Variants in DDAH1 observed in about 807,000 individuals in gnomAD.
DDAH1 encodes the protein dimethylarginine dimethylaminohydrolase 1, also known as N(G),N(G)-dimethylarginine dimethylaminohydrolase 1.
A neutral mutation model predicts 28.8 loss-of-function variants in DDAH1; 19 were observed. The observed-to-expected ratio is 0.66, with a 90% confidence interval of 0.46 to 0.97. The LOEUF (loss-of-function observed/expected upper bound fraction) is 0.97. DDAH1 is among the 50% of genes least tolerant of loss of function. The pLI is 0.00. For missense variants in DDAH1, 326 were observed against 375.9 expected (o/e 0.87, Z 1.10); for synonymous variants, 153 against 154.4 (o/e 0.99, Z 0.07).
chr1:85,530,146 A>G (rs1436520377), intron 1 of DDAH1, among the ~76,000 whole-genome samples: 2 of 152,214 alleles, frequency 1.3e-5, no homozygotes. Context: ...TTTCACTGAT[A>G]AAATGTGAGG....
At position 85,385,737 on chromosome 1, in the gene DDAH1, T is replaced by C. The variant is rs146031010; in HGVS notation, c.304-26890A>G. 7.2e-5 allele frequency among the ~76,000 whole-genome samples: 11 copies of C among 152,324 alleles called. No individual in the cohort carries two copies. In the South Asian group the frequency reaches 8.3e-4, roughly 11 times the overall value. On this transcript the variant is annotated intron_variant, in intron 1 of 5. Transcript: ENST00000284031. ...TACTCCATGCCTTAGTGCATTTGCATTGTTATAAAGGAATACCTGAAGCTG... is the reference window on the plus strand; with the variant it reads ...TACTCCATGCCTTAGTGCATTTGCACTGTTATAAAGGAATACCTGAAGCTG...
chr1:85,448,008 T>A lies in DDAH1; in HGVS notation c.303+16735A>T, dbSNP rs143582099. 712 of 152,576 alleles carry A rather than the reference T, an allele frequency of 4.7e-3. 6 individuals are homozygous for A. The highest frequency in any genetic ancestry group is 0.016 in the African/African-American group (661 of 41,590). 9.5% of individuals were successfully genotyped at this position (152,576 alleles called of 1,614,324 possible). A position where few individuals can be genotyped will look rare whatever the true frequency, so the allele number is the denominator to read the frequency against. On this transcript the variant is annotated intron_variant, in intron 1 of 5. Coordinates refer to ENST00000284031, the MANE Select transcript of DDAH1 (RefSeq NM_012137.4). The stretch of plus-strand genomic sequence containing the variant: ...CACCCATTGTAGTCAGGAGCCAGCA[T>A]CTTCATCATCCTTTCTTGTTAGAAC...
At chr1:85,556,083 C>CCTCCTCCTCCTCCTT (rs1658956562) in intron 1 of DDAH1, among the ~76,000 whole-genome samples, 1 of 147,994 alleles carries the variant, frequency 6.8e-6, no homozygotes, top group Non-Finnish European at 1.5e-5. Flanking sequence ...GCCGCCGCCT[C>CCTCCTCCTCCTCCTT]CTCCTCCTCC....
At chr1:85,353,513 C>T (rs1233574929) in intron 2 of DDAH1, among the ~76,000 whole-genome samples, 1 of 152,078 alleles carries the variant, frequency 6.6e-6, no homozygotes, top group Non-Finnish European at 1.5e-5. Context: ...TTTTGTGGCA[C>T]ACTGACAGTT....
At chr1:85,412,424 G>A (rs1251018815) in intron 1 of DDAH1, among the ~76,000 whole-genome samples, 6 of 152,146 alleles carry the variant, frequency 3.9e-5, no homozygotes, top group Admixed American at 2.0e-4. Flanking sequence ...AACACAAGAC[G>A]ATCTTCCTGT....
intron 1 of DDAH1, chr1:85,577,879 GA>G: frequency 1.3e-6 from 1 of 768,656 alleles, no homozygotes; most frequent in Non-Finnish European, 1.6e-6. Context: ...GCAGCCCAAG[GA>G]AACAAGGCAG....
chr1:85,358,783 T>TTTTCATC lies in DDAH1; in HGVS notation c.361_367dup (p.Asn123ArgfsTer2), dbSNP rs1462641456. 6.2e-7 allele frequency: 1 copy of TTTTCATC among 1,612,364 alleles called. No homozygotes were observed. The highest frequency in any genetic ancestry group is 2.2e-5 in the East Asian group (1 of 44,846). On this transcript the variant is annotated stop_gained and frameshift_variant, in exon 2 of 6. Transcript: ENST00000284031. LOFTEE classifies it high-confidence loss of function. ...AACATCTCCGCCATCTAAAGTTGCA[T>TTTTCATC]TTTCATCTTTCATCTCTACTATATT... is the stretch of plus-strand genomic sequence containing the variant.
intron 4 of DDAH1, among the ~76,000 whole-genome samples, chr1:85,332,876 C>A (rs1203998216): frequency 6.6e-6 from 1 of 152,168 alleles, no homozygotes; most frequent in East Asian, 1.9e-4. Context: ...GCATGCACTA[C>A]CTGGAGGATT....
chr1:85,401,381 T>C (rs1557584247), intron 1 of DDAH1, among the ~76,000 whole-genome samples: 3 of 152,076 alleles, frequency 2.0e-5, no homozygotes, highest in South Asian at 2.1e-4. Context: ...ATAGGCTAAA[T>C]AGCACATAAA....
intron 2 of DDAH1, among the ~76,000 whole-genome samples, chr1:85,353,638 T>C (rs1009982533): frequency 6.6e-6 from 1 of 152,162 alleles, no homozygotes; most frequent in African/African-American, 2.4e-5. Flanking sequence ...CTTTATTAAA[T>C]AGTCAGCTAC....
chr1:85,326,536 C>A (rs1030853378), intron 4 of DDAH1, among the ~76,000 whole-genome samples: 3 of 152,198 alleles, frequency 2.0e-5, no homozygotes, highest in African/African-American at 4.8e-5. Flanking sequence ...CTGTGCAACT[C>A]AAAACGTTTC....
intron 4 of DDAH1, among the ~76,000 whole-genome samples, chr1:85,349,068 C>T (rs1390953893): frequency 6.6e-6 from 1 of 152,208 alleles, no homozygotes; most frequent in Non-Finnish European, 1.5e-5. Flanking sequence ...TCTTCCTAGA[C>T]CTCCTGAGTG....
chr1:85,319,616 A>T lies in DDAH1; in HGVS notation c.*1836T>A, dbSNP rs1661238757. 1 of 152,210 alleles carries T rather than the reference A, an allele frequency of 6.6e-6. No individual in the cohort carries two copies. Among genetic ancestry groups the T allele is most frequent in the Admixed American group, 6.5e-5 (1 of 15,282 alleles). The allele number at this position is 152,210 out of a possible 1,614,324, so 9.4% of individuals were successfully genotyped here. On this transcript the variant is annotated 3_prime_UTR_variant, in exon 6 of 6. Transcript: ENST00000284031. Reference sequence around the variant, plus strand: ...CTTTGTTAACTTGGGCATGTGGCTAACATTCGTTCTCTCTCTGGTAAAAAG... The same window carrying T: ...CTTTGTTAACTTGGGCATGTGGCTATCATTCGTTCTCTCTCTGGTAAAAAG...
At chr1:85,560,050 C>T (rs371885461) in intron 1 of DDAH1, among the ~76,000 whole-genome samples, 22 of 151,838 alleles carry the variant, frequency 1.4e-4, no homozygotes, top group African/African-American at 5.1e-4. Context: ...GGAGAAAATA[C>T]CAAAAGCAGC....
At chr1:85,513,463 A>G (rs1397508995) in intron 1 of DDAH1, among the ~76,000 whole-genome samples, 2 of 152,200 alleles carry the variant, frequency 1.3e-5, no homozygotes, top group African/African-American at 4.8e-5. Flanking sequence ...TGACTAAAAC[A>G]CCAAAAGCAA....
At chr1:85,402,000 T>C (rs932675976) in intron 1 of DDAH1, among the ~76,000 whole-genome samples, 12 of 152,130 alleles carry the variant, frequency 7.9e-5, no homozygotes, top group African/African-American at 2.9e-4. Context: ...AATTAATTTT[T>C]TTAGAGACAG....
At chr1:85,350,043 C>G (rs1649110685) in intron 4 of DDAH1, among the ~76,000 whole-genome samples, 1 of 152,144 alleles carries the variant, frequency 6.6e-6, no homozygotes, top group South Asian at 2.1e-4. Context: ...AATAATATAA[C>G]AAACCCTGTG....
intron 4 of DDAH1, among the ~76,000 whole-genome samples, chr1:85,339,374 G>C (rs1035932021): frequency 1.3e-5 from 2 of 152,168 alleles, no homozygotes; most frequent in Non-Finnish European, 2.9e-5. Flanking sequence ...TATCTCCAAA[G>C]CTACCTTTAA....
intron 2 of DDAH1, among the ~76,000 whole-genome samples, chr1:85,480,963 CAG>C (rs1212273472): frequency 2.0e-5 from 3 of 151,646 alleles, no homozygotes; most frequent in Non-Finnish European, 1.5e-5. Context: ...TAAAATGTAA[CAG>C]TAACTTTTGC....
Sources: gnomAD v4.1 joint callset for allele counts (sites outside exome capture counted in the v4.1 genomes callset) on GRCh38, gnomAD v4.1.1 for gene constraint, MANE v1.5 for transcripts, NCBI Gene and HGNC (gene_info 2026-07-23, HGNC 2026-07-21) for gene names.